Variants in PVALB observed in about 807,000 individuals in gnomAD.
PVALB encodes the protein parvalbumin, also known as parvalbumin alpha.
PVALB carries 11 observed loss-of-function variants against 10.9 expected under a neutral mutation model. That is an observed-to-expected ratio of 1.01 (90% CI 0.63 to 1.67). The LOEUF (loss-of-function observed/expected upper bound fraction) is 1.67. PVALB is among the 40% of genes most tolerant of loss of function. The pLI is 0.00. For synonymous variants in PVALB, 57 were observed against 50.7 expected, an observed-to-expected ratio of 1.12 and a Z score of -0.53; for missense variants, 131 against 136.2, an observed-to-expected ratio of 0.96 and a Z score of 0.19.
At chr22:36,805,635 T>C (rs1938937506) in intron 3 of PVALB, among the ~76,000 whole-genome samples, 1 of 152,356 alleles carries the variant, frequency 6.6e-6, no homozygotes, top group Non-Finnish European at 1.5e-5. Flanking sequence ...CATCAGTCAC[T>C]ACTTTAGCTC....
intron 3 of PVALB, among the ~76,000 whole-genome samples, chr22:36,806,895 C>T (rs1367186054): frequency 6.6e-6 from 1 of 152,086 alleles, no homozygotes; most frequent in South Asian, 2.1e-4. Context: ...TGCGTCTCTT[C>T]CTCAAAGGTT....
intron 3 of PVALB, among the ~76,000 whole-genome samples, chr22:36,803,236 G>A (rs781329626): frequency 4.6e-5 from 7 of 152,128 alleles, no homozygotes; most frequent in Non-Finnish European, 1.0e-4. Flanking sequence ...CTTCATCCCT[G>A]TAGTTTCCGA....
intron 3 of PVALB, 125 bp from the exon 4 acceptor site, chr22:36,801,043 G>A (rs1938855546): frequency 1.2e-6 from 1 of 854,412 alleles, no homozygotes. Context: ...AGCAGCCCCA[G>A]AGCGTAAGTG....
intron 3 of PVALB, among the ~76,000 whole-genome samples, chr22:36,813,280 C>T (rs1198638611): frequency 6.6e-6 from 1 of 152,034 alleles, no homozygotes; most frequent in Non-Finnish European, 1.5e-5. Flanking sequence ...GACAGAGGCC[C>T]AGCGATCGAG....
At chr22:36,805,767 C>T (rs887463224) in intron 3 of PVALB, among the ~76,000 whole-genome samples, 7 of 151,948 alleles carry the variant, frequency 4.6e-5, no homozygotes, top group South Asian at 2.1e-4. Context: ...GTGTTAGTTC[C>T]GCCTCCCGTG....
At chr22:36,801,504 T>C (rs2145943747) in intron 3 of PVALB, among the ~76,000 whole-genome samples, 1 of 152,244 alleles carries the variant, frequency 6.6e-6, no homozygotes, top group East Asian at 1.9e-4. Flanking sequence ...CCCTAGAAAA[T>C]GCAGTGTTGT....
intron 3 of PVALB, among the ~76,000 whole-genome samples, chr22:36,812,462 T>A (rs1189974131): frequency 6.6e-6 from 1 of 152,190 alleles, no homozygotes; most frequent in African/African-American, 2.4e-5. Flanking sequence ...TTTAAAAAAA[T>A]TAGCTAACAA....
upstream of PVALB, chr22:36,817,150 C>T (rs1320021069): frequency 1.5e-6 from 1 of 676,530 alleles, no homozygotes; most frequent in Non-Finnish European, 2.2e-6. Flanking sequence ...GGCCCGGACT[C>T]TGAGCGCAGC....
intron 3 of PVALB, among the ~76,000 whole-genome samples, chr22:36,805,839 C>G (rs1260135404): frequency 2.0e-5 from 3 of 152,016 alleles, no homozygotes; most frequent in Middle Eastern, 3.2e-3. Flanking sequence ...CTACGAAAGT[C>G]CTGAAACTAA....
intron 2 of PVALB, among the ~76,000 whole-genome samples, 165 bp downstream of exon 2, chr22:36,814,938 C>T (rs1009315116): frequency 6.6e-6 from 1 of 152,200 alleles, no homozygotes; most frequent in Non-Finnish European, 1.5e-5. Context: ...AGGAAGCCTT[C>T]TCCCCTGGTG....
chr22:36,812,277 C>T (rs1939058518), intron 3 of PVALB, among the ~76,000 whole-genome samples: 1 of 152,126 alleles, frequency 6.6e-6, no homozygotes, highest in Non-Finnish European at 1.5e-5. Flanking sequence ...TACACTCAGG[C>T]AGCGGATGTT....
At position 36,803,673 on chromosome 22, in the gene PVALB, GTGGATGGATGGATGGATGGA is replaced by G. The variant is rs535685267; in HGVS notation, c.305-2775_305-2756del. ...GATGAATGGATGGATGGGTGGGTGG[GTGGATGGATGGATGGATGGA>G]TGGATGGATGGATGGATGGGTGGGT... On this transcript the variant is annotated intron_variant, in intron 3 of 3. Transcript: ENST00000417718. Among the ~76,000 whole-genome samples the G allele has an allele frequency of 1.3e-4, 15 of 119,932 alleles. 1 individual carries two copies. Among genetic ancestry groups the G allele is most frequent in the African/African-American group, 4.5e-4 (14 of 31,292 alleles). 78.7% of individuals were successfully genotyped at this position (119,932 alleles called of 152,430 possible). A position where few individuals can be genotyped will look rare whatever the true frequency, so the allele number is the denominator to read the frequency against.
chr22:36,816,846 C>G (rs1939146858), intron 1 of PVALB, 99 bp downstream of exon 1: 1 of 1,075,246 alleles, frequency 9.3e-7, no homozygotes, highest in Admixed American at 2.9e-5. Flanking sequence ...TGGGCAGAAG[C>G]GCGCTGGGGA....
chr22:36,808,275 G>T (rs1938991021), intron 3 of PVALB, among the ~76,000 whole-genome samples: 1 of 152,212 alleles, frequency 6.6e-6, no homozygotes, highest in African/African-American at 2.4e-5. Flanking sequence ...TAAGGCCTGT[G>T]TGCTGTACTT....
rs116529875 is a variant in PVALB at position 36,801,435 on chromosome 22, T to C, written c.305-517A>G. ...TTGCTGCCACGTGCCACTACGTGTCTCTGAGATGCCATGTCTCAGCCTGCT... is the reference window on the plus strand; with the variant it reads ...TTGCTGCCACGTGCCACTACGTGTCCCTGAGATGCCATGTCTCAGCCTGCT... On this transcript the variant is annotated intron_variant, in intron 3 of 3. Transcript: ENST00000417718. Among the ~76,000 whole-genome samples, 479 of 152,318 alleles carry C rather than the reference T, an allele frequency of 3.1e-3. 3 individuals are homozygous for C. Among genetic ancestry groups the C allele is most frequent in the African/African-American group, 0.011 (466 of 41,574 alleles).
intron 3 of PVALB, among the ~76,000 whole-genome samples, chr22:36,810,796 CAAAAG>C (rs1939033688): frequency 6.6e-6 from 1 of 152,240 alleles, no homozygotes; most frequent in African/African-American, 2.4e-5. Flanking sequence ...TGAACATACC[CAAAAG>C]TTTCCAGCCT....
upstream of PVALB, chr22:36,817,426 G>A (rs868196017): frequency 6.3e-6 from 1 of 157,922 alleles, no homozygotes; most frequent in African/African-American, 2.4e-5. Context: ...CTGCCGCGTG[G>A]GGGAAGATCC....
At chr22:36,816,043 TTTTG>T (rs1404123130) in intron 1 of PVALB, among the ~76,000 whole-genome samples, 951 of 70,184 alleles carry the variant, frequency 0.014, 14 homozygotes, top group African/African-American at 0.13. Context: ...AGATCATGTA[TTTTG>T]TGTGTGTGTG....
At chr22:36,812,704 A>G (rs1939065682) in intron 3 of PVALB, among the ~76,000 whole-genome samples, 1 of 152,236 alleles carries the variant, frequency 6.6e-6, no homozygotes, top group African/African-American at 2.4e-5. Flanking sequence ...ACCTACACAC[A>G]GTTTTCTCTG....
Sources: gnomAD v4.1 joint callset for allele counts (sites outside exome capture counted in the v4.1 genomes callset) on GRCh38, gnomAD v4.1.1 for gene constraint, MANE v1.5 for transcripts, NCBI Gene and HGNC (gene_info 2026-07-23, HGNC 2026-07-21) for gene names.